The following ZNF385B variants were observed in gnomAD, a reference collection of about 807,000 sequenced individuals.
ZNF385B encodes zinc finger protein 385B.
A neutral mutation model predicts 39.2 loss-of-function variants in ZNF385B; 23 were observed. The ratio of observed to expected loss-of-function variants is 0.59; its 90% CI spans 0.42 to 0.83. The LOEUF (loss-of-function observed/expected upper bound fraction) is 0.83, where lower values mean the gene tolerates loss of function less well. ZNF385B is among the 40% of genes least tolerant of loss of function. The pLI is 0.00. For synonymous variants in ZNF385B, 205 were observed against 222.6 expected, an observed-to-expected ratio of 0.92 and a Z score of 0.70; for missense variants, 552 against 598.9, an observed-to-expected ratio of 0.92 and a Z score of 0.82.
chr2:179,687,508 A>AT (rs1313352722), intron 3 of ZNF385B, among the ~76,000 whole-genome samples: 1 of 152,028 alleles, frequency 6.6e-6, no homozygotes, highest in African/African-American at 2.4e-5. Context: ...TACCACACTG[A>AT]TTTTTTCTCA....
intron 3 of ZNF385B, among the ~76,000 whole-genome samples, chr2:179,612,163 T>C (rs1215406206): frequency 1.3e-5 from 2 of 152,254 alleles, no homozygotes; most frequent in Non-Finnish European, 2.9e-5. Flanking sequence ...TCAAAACTGC[T>C]ATTTTTAGTT....
chr2:179,491,454 G>A (rs1243056704), intron 5 of ZNF385B, among the ~76,000 whole-genome samples: 3 of 152,098 alleles, frequency 2.0e-5, no homozygotes, highest in African/African-American at 7.2e-5. Context: ...AATCATAAGA[G>A]GAGGCAAATC....
intron 1 of ZNF385B, among the ~76,000 whole-genome samples, chr2:179,810,427 ATTCT>A (rs1450555250): frequency 2.6e-5 from 4 of 151,960 alleles, no homozygotes; most frequent in East Asian, 1.9e-4. Flanking sequence ...TTCAGAATAT[ATTCT>A]TTATTTTTTT....
rs762582909 is a variant in ZNF385B at position 179,445,571 on chromosome 2, A to G, written c.1119T>C (p.Asn373=). The part of the protein sequence containing the change: ...FHCEICDVHV[N]SEIQLKQHIS... ...TTACCTGTTTGAGTTGAATTTCTGA[A>G]TTAACATGAACATCACAGATTTCAC... The change falls in exon 8 of 10, where the codon AAT becomes AAC. Residue 373 remains asparagine, a synonymous_variant. Coordinates refer to ENST00000410066, the MANE Select transcript of ZNF385B (RefSeq NM_152520.6). 6.2e-7 allele frequency: 1 copy of G among 1,610,716 alleles called. No homozygotes were observed. Among genetic ancestry groups the G allele is most frequent in the Admixed American group, 1.7e-5 (1 of 59,088 alleles).
intron 1 of ZNF385B, among the ~76,000 whole-genome samples, chr2:179,859,610 G>A (rs1684880696): frequency 6.6e-6 from 1 of 152,150 alleles, no homozygotes; most frequent in Non-Finnish European, 1.5e-5. Context: ...TATCTGATTT[G>A]TGGTTTTTAT....
At chr2:179,585,570 G>C (rs1035334428) in intron 3 of ZNF385B, among the ~76,000 whole-genome samples, 5 of 152,170 alleles carry the variant, frequency 3.3e-5, no homozygotes, top group African/African-American at 1.2e-4. Context: ...CATTATATCT[G>C]TCAAGATCTA....
intron 3 of ZNF385B, among the ~76,000 whole-genome samples, chr2:179,726,968 C>T (rs1470191620): frequency 6.6e-6 from 1 of 152,004 alleles, no homozygotes; most frequent in East Asian, 1.9e-4. Flanking sequence ...ATTACTTTAA[C>T]CCGAGTACTT....
chr2:179,690,111 T>C (rs1698242393), intron 3 of ZNF385B, among the ~76,000 whole-genome samples: 1 of 152,126 alleles, frequency 6.6e-6, no homozygotes, highest in Admixed American at 6.6e-5. Flanking sequence ...GAATATACCA[T>C]CTGTTGCTTG....
chr2:179,813,857 T>C (rs1048270476), intron 1 of ZNF385B, among the ~76,000 whole-genome samples: 4 of 152,184 alleles, frequency 2.6e-5, no homozygotes, highest in African/African-American at 9.7e-5. Context: ...GACTCAGCAA[T>C]TTCCTTCAGA....
At chr2:179,651,108 A>G (rs892978364) in intron 3 of ZNF385B, among the ~76,000 whole-genome samples, 3 of 151,918 alleles carry the variant, frequency 2.0e-5, no homozygotes, top group African/African-American at 4.8e-5. Context: ...TCTGACTTCA[A>G]TGTCTTCAGA....
chr2:179,844,751 T>A (rs1480707), intron 1 of ZNF385B, among the ~76,000 whole-genome samples: 39,026 of 152,042 alleles, frequency 0.26, 5,261 homozygotes, highest in Non-Finnish European at 0.29. Flanking sequence ...TACAGGATGT[T>A]TAATTGTGGC....
chr2:179,661,099 T>C (rs1455281393), intron 3 of ZNF385B, among the ~76,000 whole-genome samples: 1 of 152,152 alleles, frequency 6.6e-6, no homozygotes, highest in African/African-American at 2.4e-5. Flanking sequence ...TTTATTTTGG[T>C]TAAAGCAAGG....
intron 1 of ZNF385B, among the ~76,000 whole-genome samples, chr2:179,819,316 A>G (rs1575549562): frequency 6.6e-6 from 1 of 151,980 alleles, no homozygotes; most frequent in African/African-American, 2.4e-5. Flanking sequence ...GGGTGGCTCC[A>G]CTTCCGAGCC....
chr2:179,659,017 T>C (rs1694142163), intron 3 of ZNF385B, among the ~76,000 whole-genome samples: 1 of 152,192 alleles, frequency 6.6e-6, no homozygotes, highest in Admixed American at 6.5e-5. Flanking sequence ...CCTCAGGTGA[T>C]CCGCCTGCCT....
chr2:179,498,431 A>T (rs1379336745), intron 5 of ZNF385B, among the ~76,000 whole-genome samples: 2 of 152,014 alleles, frequency 1.3e-5, no homozygotes, highest in East Asian at 3.8e-4. Flanking sequence ...GAACAGATTT[A>T]AAAAACTCAT....
intron 3 of ZNF385B, among the ~76,000 whole-genome samples, chr2:179,710,504 A>C (rs1699923852): frequency 6.6e-6 from 1 of 152,178 alleles, no homozygotes; most frequent in African/African-American, 2.4e-5. Flanking sequence ...TCCCTTGTGC[A>C]AGAGGACTGT....
intron 3 of ZNF385B, among the ~76,000 whole-genome samples, chr2:179,636,416 C>T (rs1242573348): frequency 1.3e-5 from 2 of 152,124 alleles, no homozygotes; most frequent in Non-Finnish European, 2.9e-5. Flanking sequence ...AATATATCTG[C>T]GACCCTTAGT....
chr2:179,820,745 C>T (rs562213029), intron 1 of ZNF385B, among the ~76,000 whole-genome samples: 4 of 152,122 alleles, frequency 2.6e-5, no homozygotes, highest in African/African-American at 9.6e-5. Context: ...TTTATTTCCT[C>T]ACTTACTATA....
At chr2:179,635,745 T>G (rs1691695473) in intron 3 of ZNF385B, among the ~76,000 whole-genome samples, 2 of 152,296 alleles carry the variant, frequency 1.3e-5, no homozygotes, top group South Asian at 4.1e-4. Context: ...TTGCCTACTC[T>G]TTGATCCCCT....
Sources: gnomAD v4.1 joint callset for allele counts (sites outside exome capture counted in the v4.1 genomes callset) on GRCh38, gnomAD v4.1.1 for gene constraint, MANE v1.5 for transcripts, NCBI Gene and HGNC (gene_info 2026-07-23, HGNC 2026-07-21) for gene names.